CSMD3: variants seen among roughly 807,000 people sequenced by gnomAD.
CSMD3 encodes the protein CUB and Sushi multiple domains 3.
Under a neutral mutation model 435.2 loss-of-function variants are expected in CSMD3, and 177 were observed. The observed-to-expected ratio is 0.41, with a 90% CI of 0.36 to 0.46. The LOEUF (loss-of-function observed/expected upper bound fraction) is 0.46. Ranked by LOEUF, CSMD3 falls within the 20% of genes least tolerant of loss-of-function variation. The pLI, the probability that CSMD3 is intolerant of heterozygous loss-of-function variation, is 0.34. For missense variants in CSMD3, 4,265 were observed against 4,504.6 expected, an observed-to-expected ratio of 0.95 and a Z score of 1.52; for synonymous variants, 1,656 against 1,520.5, an observed-to-expected ratio of 1.09 and a Z score of -2.07.
intron 3 of CSMD3, among the ~76,000 whole-genome samples, chr8:113,176,886 T>C (rs1233505504): frequency 1.3e-5 from 2 of 149,560 alleles, no homozygotes; most frequent in Admixed American, 6.7e-5. Flanking sequence ...CCTGGACATA[T>C]ACCCAAACTT....
intron 32 of CSMD3, among the ~76,000 whole-genome samples, chr8:112,465,933 C>A (rs1403781803): frequency 6.6e-6 from 1 of 151,130 alleles, no homozygotes; most frequent in Non-Finnish European, 1.5e-5. Flanking sequence ...CGAGATGGCA[C>A]CACTGCACTG....
chr8:112,804,503 G>T (rs2079033109), intron 12 of CSMD3, among the ~76,000 whole-genome samples: 1 of 152,068 alleles, frequency 6.6e-6, no homozygotes, highest in South Asian at 2.1e-4. Flanking sequence ...AGAGGATACA[G>T]CAACTGCAGA....
At chr8:112,412,335 A>T (rs1312109955) in intron 32 of CSMD3, among the ~76,000 whole-genome samples, 1 of 141,606 alleles carries the variant, frequency 7.1e-6, no homozygotes, top group Non-Finnish European at 1.5e-5. Flanking sequence ...TGTGCTGATT[A>T]TGCCTTTTGC....
At chr8:112,281,819 G>A (rs1818678568) in intron 58 of CSMD3, among the ~76,000 whole-genome samples, 1 of 152,044 alleles carries the variant, frequency 6.6e-6, no homozygotes, top group African/African-American at 2.4e-5. Flanking sequence ...ATTTTTGTTT[G>A]TATAAGTACA....
chr8:112,482,634 A>G (rs976054616), intron 31 of CSMD3, among the ~76,000 whole-genome samples: 4 of 152,190 alleles, frequency 2.6e-5, no homozygotes, highest in South Asian at 2.1e-4. Flanking sequence ...AGTTTTTGAA[A>G]CTAAAATAGC....
chr8:112,887,615 A>G (rs2081644971), intron 10 of CSMD3, among the ~76,000 whole-genome samples: 1 of 151,570 alleles, frequency 6.6e-6, no homozygotes. Flanking sequence ...TATGTAATGC[A>G]TAAGTTTTTT....
chr8:112,853,015 T>G (rs1458421067), intron 11 of CSMD3, among the ~76,000 whole-genome samples: 1 of 152,222 alleles, frequency 6.6e-6, no homozygotes, highest in East Asian at 1.9e-4. Flanking sequence ...TAATGTTATA[T>G]ATTTACATTT....
chr8:112,356,734 C>T (rs937234244), intron 38 of CSMD3, among the ~76,000 whole-genome samples: 17 of 151,890 alleles, frequency 1.1e-4, no homozygotes, highest in Non-Finnish European at 2.5e-4. Flanking sequence ...TTCATGAGTA[C>T]TGATGGTTTT....
chr8:112,999,229 T>C (rs1341221094), intron 6 of CSMD3, among the ~76,000 whole-genome samples: 1 of 151,906 alleles, frequency 6.6e-6, no homozygotes, highest in Non-Finnish European at 1.5e-5. Flanking sequence ...TTTTTTAACA[T>C]CAGAAAACAG....
At chr8:113,250,443 G>A (rs915623462) in intron 3 of CSMD3, among the ~76,000 whole-genome samples, 41 of 152,156 alleles carry the variant, frequency 2.7e-4, no homozygotes, top group African/African-American at 8.9e-4. Flanking sequence ...CAGACCTTGT[G>A]GGCGGTTCTA....
intron 3 of CSMD3, among the ~76,000 whole-genome samples, chr8:113,181,203 T>C (rs1268745434): frequency 2.0e-5 from 3 of 151,948 alleles, no homozygotes; most frequent in African/African-American, 7.2e-5. Flanking sequence ...AAATGTATTA[T>C]AAGCAGTAGG....
intron 25 of CSMD3, among the ~76,000 whole-genome samples, chr8:112,553,225 G>A (rs1354180856): frequency 6.6e-6 from 1 of 151,978 alleles, no homozygotes; most frequent in Admixed American, 6.6e-5. Context: ...AGTCAAAATG[G>A]CATTTTTTAT....
At chr8:112,477,696 TCACCAGAA>T (rs1819201485) in intron 31 of CSMD3, among the ~76,000 whole-genome samples, 1 of 152,178 alleles carries the variant, frequency 6.6e-6, no homozygotes, top group South Asian at 2.1e-4. Flanking sequence ...TCTGAGGCCC[TCACCAGAA>T]GCAGATGGTG....
chr8:113,174,771 A>T (rs2092322543), intron 3 of CSMD3, among the ~76,000 whole-genome samples: 1 of 151,894 alleles, frequency 6.6e-6, no homozygotes, highest in African/African-American at 2.4e-5. Context: ...TATTACTGTT[A>T]TATTACCTTT....
At chr8:112,309,166 A>C (rs1727192652) in intron 50 of CSMD3, among the ~76,000 whole-genome samples, 2 of 152,006 alleles carry the variant, frequency 1.3e-5, no homozygotes, top group African/African-American at 4.8e-5. Flanking sequence ...AAATGACTCC[A>C]TATGTAAATT....
In CSMD3 at chr8:112,324,081, GT is replaced by G. The variant is rs1384669632; in HGVS notation, c.7166-4101del. 2.6e-5 allele frequency among the ~76,000 whole-genome samples: 4 copies of G among 151,962 alleles called. No homozygotes were observed. In the East Asian group the frequency reaches 5.8e-4, roughly 22 times the overall value. ...CATTTCCCTATTTTCAATTTACAGT[GT>G]TTTTTTATGGCCTACAGATTGAATT... On this transcript the variant is annotated intron_variant, in intron 45 of 70. Transcript: ENST00000297405.
intron 31 of CSMD3, among the ~76,000 whole-genome samples, chr8:112,475,860 C>T (rs1231502812): frequency 1.3e-5 from 2 of 152,076 alleles, no homozygotes; most frequent in Admixed American, 6.5e-5. Flanking sequence ...GCAAGTCAGA[C>T]CTTTGGGTTC....
At chr8:112,914,534 A>G (rs770478784) in intron 10 of CSMD3, among the ~76,000 whole-genome samples, 2 of 151,640 alleles carry the variant, frequency 1.3e-5, no homozygotes, top group Non-Finnish European at 2.9e-5. Flanking sequence ...TCATGCCTTA[A>G]TATGAGGAAA....
chr8:112,586,580 A>G (rs573036181), intron 23 of CSMD3, among the ~76,000 whole-genome samples: 21 of 151,184 alleles, frequency 1.4e-4, no homozygotes, highest in Non-Finnish European at 2.7e-4. Flanking sequence ...TTAGGTTTAT[A>G]TATTCATAAA....
Sources: gnomAD v4.1 joint callset for allele counts (sites outside exome capture counted in the v4.1 genomes callset) on GRCh38, gnomAD v4.1.1 for gene constraint, MANE v1.5 for transcripts, NCBI Gene and HGNC (gene_info 2026-07-23, HGNC 2026-07-21) for gene names.